The following SCHIP1 variants were observed in gnomAD, a reference collection of about 807,000 sequenced individuals.
The protein encoded by SCHIP1 is schwannomin interacting protein 1.
SCHIP1 carries 8 observed loss-of-function variants against 29.7 expected under a neutral mutation model. The observed-to-expected ratio is 0.27, with a 90% CI of 0.16 to 0.49. The LOEUF (loss-of-function observed/expected upper bound fraction) is 0.49. SCHIP1 is among the 20% of genes least tolerant of loss of function. The pLI is 0.99. For missense variants in SCHIP1, 193 were observed against 294.6 expected, an observed-to-expected ratio of 0.66 and a Z score of 2.52; for synonymous variants, 76 against 94.9, an observed-to-expected ratio of 0.80 and a Z score of 1.16.
chr3:159,778,041 G>T, the SCHIP1 span, among the ~76,000 whole-genome samples: 12 of 151,934 alleles, frequency 7.9e-5, no homozygotes, highest in Non-Finnish European at 1.5e-4. Flanking sequence ...CTGGAGTGCA[G>T]TGGCGTGATC....
chr3:159,444,173 C>T, the SCHIP1 span, among the ~76,000 whole-genome samples: 1 of 152,058 alleles, frequency 6.6e-6, no homozygotes, highest in Non-Finnish European at 1.5e-5. Context: ...GCAAGGGGAG[C>T]GCAATCCCAT....
At chr3:159,468,098 A>G in the SCHIP1 span, among the ~76,000 whole-genome samples, 2 of 152,226 alleles carry the variant, frequency 1.3e-5, 1 homozygote, top group East Asian at 3.9e-4. Flanking sequence ...GTCAAAGTCT[A>G]TATTATTTTC....
At chr3:159,809,609 G>A in the SCHIP1 span, among the ~76,000 whole-genome samples, 11 of 149,976 alleles carry the variant, frequency 7.3e-5, no homozygotes, top group South Asian at 1.7e-3. Context: ...CAGGTAAGCC[G>A]AGATGGCGCC....
chr3:159,429,719 C>T, the SCHIP1 span, among the ~76,000 whole-genome samples: 16 of 152,176 alleles, frequency 1.1e-4, no homozygotes, highest in African/African-American at 3.9e-4. Flanking sequence ...TATGCCGTAT[C>T]ATTTATGAGG....
At chr3:159,538,298 T>TA in the SCHIP1 span, among the ~76,000 whole-genome samples, 1 of 152,184 alleles carries the variant, frequency 6.6e-6, no homozygotes, top group African/African-American at 2.4e-5. Context: ...AATATTTGAC[T>TA]AAAAATTATA....
At chr3:159,751,241 G>C in the SCHIP1 span, among the ~76,000 whole-genome samples, 1 of 152,028 alleles carries the variant, frequency 6.6e-6, no homozygotes, top group African/African-American at 2.4e-5. Flanking sequence ...TGGCCTGAGA[G>C]CTACAAGTTT....
the SCHIP1 span, among the ~76,000 whole-genome samples, chr3:159,318,860 T>C: frequency 2.0e-5 from 3 of 152,176 alleles, no homozygotes; most frequent in African/African-American, 7.2e-5. Flanking sequence ...TCAGGTTGCA[T>C]GGTGAGTTGA....
At chr3:159,485,146 C>T in the SCHIP1 span, among the ~76,000 whole-genome samples, 1 of 151,252 alleles carries the variant, frequency 6.6e-6, no homozygotes, top group African/African-American at 2.5e-5. Context: ...CTCCCTCATA[C>T]TTCCTGGATA....
the SCHIP1 span, among the ~76,000 whole-genome samples, chr3:159,591,137 A>G: frequency 2.0e-5 from 3 of 152,198 alleles, no homozygotes; most frequent in African/African-American, 7.2e-5. Context: ...GAACTTTCGG[A>G]TTCCTAGAGC....
chr3:159,335,019 C>T, the SCHIP1 span, among the ~76,000 whole-genome samples: 5 of 151,836 alleles, frequency 3.3e-5, no homozygotes, highest in East Asian at 9.7e-4. Context: ...CCTGCCTCAG[C>T]CTTCTGAGTA....
the SCHIP1 span, among the ~76,000 whole-genome samples, chr3:159,499,231 G>A: frequency 6.6e-6 from 1 of 152,186 alleles, no homozygotes; most frequent in Non-Finnish European, 1.5e-5. Flanking sequence ...CAGTCTGTAA[G>A]TTTTTGACAG....
the SCHIP1 span, among the ~76,000 whole-genome samples, chr3:159,473,650 C>G: frequency 7.9e-6 from 1 of 126,244 alleles, no homozygotes; most frequent in African/African-American, 3.0e-5. Context: ...GCCCTGAAAT[C>G]TACCCTACAG....
At chr3:159,669,780 T>C in the SCHIP1 span, among the ~76,000 whole-genome samples, 2 of 152,188 alleles carry the variant, frequency 1.3e-5, no homozygotes, top group South Asian at 4.1e-4. Flanking sequence ...TGGTTGGTGA[T>C]TCGGGATAAA....
the SCHIP1 span, among the ~76,000 whole-genome samples, chr3:159,324,335 C>T: frequency 6.6e-6 from 1 of 152,156 alleles, no homozygotes; most frequent in African/African-American, 2.4e-5. Context: ...TGACCAATTA[C>T]AAAATTTGAT....
the SCHIP1 span, among the ~76,000 whole-genome samples, chr3:159,441,661 C>T: frequency 6.6e-6 from 1 of 152,050 alleles, no homozygotes; most frequent in East Asian, 1.9e-4. Context: ...CTTTGGGACC[C>T]TCAAACACAC....
At chr3:159,468,442 C>T in the SCHIP1 span, among the ~76,000 whole-genome samples, 2 of 151,874 alleles carry the variant, frequency 1.3e-5, no homozygotes, top group Non-Finnish European at 2.9e-5. Flanking sequence ...GACATGCAAC[C>T]ATTCACAGAG....
the SCHIP1 span, among the ~76,000 whole-genome samples, chr3:159,335,810 G>A: frequency 6.6e-6 from 1 of 152,164 alleles, no homozygotes; most frequent in Admixed American, 6.5e-5. Flanking sequence ...GCATACGTGT[G>A]CATGTGTCTT....
the SCHIP1 span, among the ~76,000 whole-genome samples, chr3:159,618,086 A>T: frequency 1.3e-5 from 2 of 152,212 alleles, no homozygotes; most frequent in African/African-American, 4.8e-5. Context: ...TGCATTATGC[A>T]TCCTATCTTA....
chr3:159,478,433 G>A, the SCHIP1 span, among the ~76,000 whole-genome samples: 2 of 151,908 alleles, frequency 1.3e-5, no homozygotes, highest in East Asian at 3.9e-4. Context: ...TTGTTCCTTT[G>A]GTCTATGTAT....
Sources: allele counts gnomAD v4.1 joint callset (sites outside exome capture counted in the v4.1 genomes callset), GRCh38; gene constraint gnomAD v4.1.1; transcripts MANE v1.5; gene names NCBI Gene and HGNC (gene_info 2026-07-23, HGNC 2026-07-21).